Variants in PHF24 observed in about 807,000 individuals in gnomAD.
PHF24 encodes PHD finger protein 24.
A neutral mutation model predicts 42.6 loss-of-function variants in PHF24; 25 were observed. The observed-to-expected ratio is 0.59, with a 90% CI of 0.43 to 0.82. The LOEUF (loss-of-function observed/expected upper bound fraction) is 0.82. Among genes scored for constraint, PHF24 ranks in the 40% least tolerant of loss-of-function variants. The pLI, the probability that PHF24 is intolerant of heterozygous loss-of-function variation, is 0.00. For missense variants in PHF24, 470 were observed against 538.1 expected, an observed-to-expected ratio of 0.87 and a Z score of 1.25; for synonymous variants, 185 against 204.8, an observed-to-expected ratio of 0.90 and a Z score of 0.83.
chr9:34,948,369 G>T, the PHF24 span, among the ~76,000 whole-genome samples: 1 of 152,118 alleles, frequency 6.6e-6, no homozygotes, highest in South Asian at 2.1e-4. Flanking sequence ...ACAGTCATGT[G>T]CAGTAATTTC....
chr9:34,922,416 C>A, the PHF24 span: 2 of 1,361,950 alleles, frequency 1.5e-6, no homozygotes, highest in Non-Finnish European at 2.1e-6. Flanking sequence ...AAGGGCCAGA[C>A]CCAGTCTGAT....
At chr9:34,687,869 ATG>A in the PHF24 span, among the ~76,000 whole-genome samples, 2 of 152,176 alleles carry the variant, frequency 1.3e-5, no homozygotes, top group Non-Finnish European at 2.9e-5. Context: ...GGCTTGGTGG[ATG>A]GATGAAAGAA....
the PHF24 span, among the ~76,000 whole-genome samples, chr9:34,757,097 G>A: frequency 1.1e-4 from 17 of 152,044 alleles, no homozygotes; most frequent in Middle Eastern, 0.01. Flanking sequence ...CAGAGACAGC[G>A]TTTCACCATG....
the PHF24 span, chr9:34,837,593 G>A: frequency 7.6e-7 from 1 of 1,311,196 alleles, no homozygotes; most frequent in Non-Finnish European, 1.1e-6. Context: ...GTCATAGAGG[G>A]ACAGGATTCA....
At chr9:34,864,280 G>A in the PHF24 span, among the ~76,000 whole-genome samples, 5 of 152,108 alleles carry the variant, frequency 3.3e-5, no homozygotes, top group African/African-American at 4.8e-5. Context: ...GAAGGATATC[G>A]ATATCTAAGT....
At chr9:34,764,614 G>C in the PHF24 span, among the ~76,000 whole-genome samples, 1 of 151,636 alleles carries the variant, frequency 6.6e-6, no homozygotes, top group African/African-American at 2.4e-5. Context: ...TCTTGCTAGC[G>C]GTCTATCAAT....
At chr9:34,781,350 A>G in the PHF24 span, among the ~76,000 whole-genome samples, 2 of 152,260 alleles carry the variant, frequency 1.3e-5, no homozygotes, top group African/African-American at 4.8e-5. Context: ...TCAAACAAAA[A>G]GGACAAATAT....
At chr9:34,833,306 C>A in the PHF24 span, 166 of 1,551,394 alleles carry the variant, frequency 1.1e-4, no homozygotes, top group South Asian at 1.4e-4. Flanking sequence ...CATGTCCCCA[C>A]TGGGTTGTGA....
chr9:34,973,967 C>A (rs769921182), intron 3 of PHF24, among the ~76,000 whole-genome samples: 5 of 152,140 alleles, frequency 3.3e-5, no homozygotes, highest in Non-Finnish European at 7.4e-5. Context: ...AAGTACCTCT[C>A]CTTTCTTTCC....
At chr9:34,722,249 G>A in the PHF24 span, among the ~76,000 whole-genome samples, 4 of 152,114 alleles carry the variant, frequency 2.6e-5, no homozygotes, top group African/African-American at 7.2e-5. Flanking sequence ...GCATTTTCTC[G>A]ATGCATGCTT....
chr9:34,875,936 A>ACT, the PHF24 span, among the ~76,000 whole-genome samples: 251 of 87,724 alleles, frequency 2.9e-3, 2 homozygotes, highest in African/African-American at 4.8e-3. Context: ...ACACACACAC[A>ACT]CACACACACA....
the PHF24 span, among the ~76,000 whole-genome samples, chr9:34,741,022 A>G: frequency 1.3e-5 from 2 of 152,054 alleles, no homozygotes; most frequent in Non-Finnish European, 2.9e-5. Flanking sequence ...AGTAGCTGGA[A>G]TTACAGGTTT....
chr9:34,942,933 G>A, the PHF24 span, among the ~76,000 whole-genome samples: 3 of 151,812 alleles, frequency 2.0e-5, no homozygotes, highest in Non-Finnish European at 4.4e-5. Flanking sequence ...AAACCAACAT[G>A]GTACATGTAT....
chr9:34,881,385 C>T, the PHF24 span, among the ~76,000 whole-genome samples: 1 of 151,916 alleles, frequency 6.6e-6, no homozygotes, highest in East Asian at 1.9e-4. Context: ...GAGATAGAGA[C>T]ACAAAAAACC....
chr9:34,744,513 G>T, the PHF24 span, among the ~76,000 whole-genome samples: 1 of 152,192 alleles, frequency 6.6e-6, no homozygotes, highest in East Asian at 1.9e-4. Context: ...AATCACCACA[G>T]AACAGTGGTT....
the PHF24 span, among the ~76,000 whole-genome samples, chr9:34,697,898 G>A: frequency 1.3e-5 from 2 of 152,270 alleles, no homozygotes; most frequent in African/African-American, 4.8e-5. Flanking sequence ...ATTTCAAGGT[G>A]AATGATGGAA....
At chr9:34,971,771 A>G in intron 2 of PHF24, 95 bp downstream of exon 2, 1 of 1,392,518 alleles carries the variant, frequency 7.2e-7, no homozygotes, top group Non-Finnish European at 9.6e-7. Context: ...TCAAAACCGG[A>G]AAAATGGAGC....
At chr9:34,899,380 T>C in the PHF24 span, among the ~76,000 whole-genome samples, 2 of 152,196 alleles carry the variant, frequency 1.3e-5, no homozygotes, top group African/African-American at 4.8e-5. Context: ...GGCTACCAAT[T>C]CATACGTACC....
the PHF24 span, among the ~76,000 whole-genome samples, chr9:34,680,000 T>A: frequency 6.6e-6 from 1 of 152,208 alleles, no homozygotes; most frequent in Non-Finnish European, 1.5e-5. Flanking sequence ...ACCTACACTG[T>A]TGGCTCACAG....
Sources: gnomAD v4.1 joint callset for allele counts (sites outside exome capture counted in the v4.1 genomes callset) on GRCh38, gnomAD v4.1.1 for gene constraint, MANE v1.5 for transcripts, NCBI Gene and HGNC (gene_info 2026-07-23, HGNC 2026-07-21) for gene names.